Variants in CILK1 observed in about 807,000 individuals in gnomAD.
The protein encoded by CILK1 is ciliogenesis associated kinase 1, also known as serine/threonine-protein kinase ICK.
Under a neutral mutation model 79.2 loss-of-function variants are expected in CILK1, and 47 were observed. The observed-to-expected ratio is 0.59, with a 90% CI of 0.47 to 0.76. CILK1 has a LOEUF of 0.76. Ranked by LOEUF, CILK1 falls within the 30% of genes least tolerant of loss-of-function variation. CILK1 has a pLI of 0.00. For missense variants in CILK1, 660 were observed against 769.5 expected (o/e 0.86, Z 1.68); for synonymous variants, 266 against 275.9 (o/e 0.96, Z 0.36).
In CILK1 at chr6:53,045,349, C is replaced by T. The variant is rs556133299; in HGVS notation, c.-172-3941G>A. ...ATCTTCAACTATTTTTTTCCTATAG[C>T]ATACACACAGTCCTCAACTTTTGAT... On this transcript the variant is annotated intron_variant, in intron 1 of 13. Transcript: ENST00000676107. Among the ~76,000 whole-genome samples, 356 of 152,314 alleles carry T rather than the reference C, an allele frequency of 2.3e-3. 1 individual carries two copies. The highest frequency in any genetic ancestry group is 4.0e-3 in the Non-Finnish European group (275 of 68,038).
At chr6:53,036,945 T>C (rs1015115761) in intron 3 of CILK1, among the ~76,000 whole-genome samples, 3 of 152,198 alleles carry the variant, frequency 2.0e-5, no homozygotes, top group African/African-American at 7.2e-5. Context: ...TTGTTACACA[T>C]GTATCTATAT....
rs1392223350 is a variant in CILK1, at chr6:53,003,897, C to G, written c.*1252G>C. ...GCCTTTAAGGCAACCATAAGTGAGG[C>G]AAATGTACCATATAGAGATGGATGA... On this transcript the variant is annotated 3_prime_UTR_variant, in exon 14 of 14. Coordinates refer to ENST00000676107, the MANE Select transcript of CILK1 (RefSeq NM_014920.5). The G allele has an allele frequency of 6.6e-6, 1 of 152,590 alleles. No homozygotes were observed. Among genetic ancestry groups the G allele is most frequent in the Non-Finnish European group, 1.5e-5 (1 of 68,036 alleles). 9.5% of individuals were successfully genotyped at this position (152,590 alleles called of 1,614,324 possible).
chr6:53,035,314 G>A (rs900535603), intron 3 of CILK1, among the ~76,000 whole-genome samples: 3 of 151,602 alleles, frequency 2.0e-5, no homozygotes, highest in African/African-American at 7.3e-5. Context: ...GAATGAGCAG[G>A]TGGAAAAAAA....
At chr6:53,011,556 G>A (rs1476674387) in intron 11 of CILK1, among the ~76,000 whole-genome samples, 1 of 152,100 alleles carries the variant, frequency 6.6e-6, no homozygotes, top group African/African-American at 2.4e-5. Context: ...CCAAGATGGC[G>A]CCATTGCACT....
chr6:53,015,840 A>G (rs1764857708), intron 8 of CILK1, among the ~76,000 whole-genome samples: 1 of 152,248 alleles, frequency 6.6e-6, no homozygotes, highest in Admixed American at 6.5e-5. Context: ...TTCCATATAA[A>G]TGGTGATATA....
rs935158255 is a variant in CILK1, at chr6:53,009,597, A to G, written c.1493-30T>C. 38 of 1,560,176 alleles carry G rather than the reference A, an allele frequency of 2.4e-5. 1 individual carries two copies. The East Asian group carries it at 8.5e-4, about 35-fold the overall frequency. On this transcript the variant is annotated intron_variant, in intron 11 of 13. Coordinates refer to ENST00000676107, the MANE Select transcript of CILK1 (RefSeq NM_014920.5). ...TAGAGAAGAAATGATTTTAAAATGC[A>G]AAATACACAATGAATCTTACACTAG...
At chr6:53,011,093 T>G (rs931791200) in intron 11 of CILK1, among the ~76,000 whole-genome samples, 1 of 152,194 alleles carries the variant, frequency 6.6e-6, no homozygotes. Context: ...CCCACCAAAC[T>G]ATAGCATTGA....
chr6:53,051,588 C>G (rs138086512), intron 1 of CILK1, among the ~76,000 whole-genome samples: 172 of 152,322 alleles, frequency 1.1e-3, no homozygotes, highest in African/African-American at 3.8e-3. Context: ...TCCTCTGTCT[C>G]TAGCTTATAA....
At chr6:53,021,185 C>T (rs1311852233) in intron 5 of CILK1, among the ~76,000 whole-genome samples, 3 of 152,070 alleles carry the variant, frequency 2.0e-5, no homozygotes, top group Admixed American at 6.5e-5. Context: ...ATTAGCCGGG[C>T]GTGGTGGCAC....
chr6:53,049,093 T>C (rs1294947264), intron 1 of CILK1, among the ~76,000 whole-genome samples: 1 of 152,230 alleles, frequency 6.6e-6, no homozygotes, highest in Non-Finnish European at 1.5e-5. Flanking sequence ...GAGTCCTTGA[T>C]GACATCAGTG....
chr6:53,044,698 A>G (rs971711964), intron 1 of CILK1, among the ~76,000 whole-genome samples: 8 of 152,210 alleles, frequency 5.3e-5, no homozygotes, highest in Non-Finnish European at 1.2e-4. Flanking sequence ...ATGAGATTGT[A>G]TCTGGAGACA....
chr6:53,045,016 T>A (rs966911220), intron 1 of CILK1, among the ~76,000 whole-genome samples: 2 of 152,256 alleles, frequency 1.3e-5, no homozygotes, highest in African/African-American at 4.8e-5. Context: ...ATTCTTGCAA[T>A]TTATGTAAAT....
intron 8 of CILK1, among the ~76,000 whole-genome samples, chr6:53,015,066 T>A (rs1764813784): frequency 6.6e-6 from 1 of 152,180 alleles, no homozygotes; most frequent in South Asian, 2.1e-4. Context: ...TTCAGAAAAT[T>A]GCTTTTCTAC....
intron 1 of CILK1, among the ~76,000 whole-genome samples, chr6:53,060,399 G>A (rs1034777296): frequency 6.6e-6 from 1 of 152,144 alleles, no homozygotes; most frequent in Non-Finnish European, 1.5e-5. Flanking sequence ...GAAATGTGAC[G>A]GCCTCCCTGC....
chr6:53,017,239 C>G (rs1464614420), intron 7 of CILK1, among the ~76,000 whole-genome samples: 1 of 152,102 alleles, frequency 6.6e-6, no homozygotes, highest in East Asian at 1.9e-4. Flanking sequence ...TTTGCACCAG[C>G]AATGGTGCTG....
intron 13 of CILK1, among the ~76,000 whole-genome samples, chr6:53,005,825 T>A (rs1764186259): frequency 6.6e-6 from 1 of 152,060 alleles, no homozygotes; most frequent in Non-Finnish European, 1.5e-5. Flanking sequence ...CTTACAGGCA[T>A]CGTATCACCC....
intron 1 of CILK1, among the ~76,000 whole-genome samples, chr6:53,042,851 A>G (rs1766804266): frequency 1.3e-5 from 2 of 152,184 alleles, no homozygotes; most frequent in African/African-American, 4.8e-5. Flanking sequence ...GGTAAAATCT[A>G]AGTAAGATCT....
chr6:53,006,209 G>A (rs993247860), intron 13 of CILK1, 106 bp downstream of exon 13: 11 of 1,066,548 alleles, frequency 1.0e-5, no homozygotes, highest in African/African-American at 4.7e-5. Flanking sequence ...TAGAGTGCAA[G>A]TTTCATTTAT....
rs766016119 is a variant in CILK1 at position 53,012,045 on chromosome 6, AGT to A, written c.1333_1334del (p.Thr445SerfsTer5). ...GTGAGCAGCACACTTGCCTGCAGAG[AGT>A]GTCATCACTCTGTCTTTTCTTGTTT... ...LKNKKRQSDD[T>X]LCRFESVLDL... On this transcript the variant is annotated frameshift_variant, in exon 10 of 14. Transcript: ENST00000676107. LOFTEE classifies it high-confidence loss of function. The A allele has an allele frequency of 1.9e-6, 3 of 1,614,142 alleles. No homozygotes were observed. The highest frequency in any genetic ancestry group is 2.5e-6 in the Non-Finnish European group (3 of 1,180,008).
Sources: gnomAD v4.1 joint callset for allele counts (sites outside exome capture counted in the v4.1 genomes callset) on GRCh38, gnomAD v4.1.1 for gene constraint, MANE v1.5 for transcripts, NCBI Gene and HGNC (gene_info 2026-07-23, HGNC 2026-07-21) for gene names.